EPCAM: variants seen among roughly 807,000 people sequenced by gnomAD.
The protein encoded by EPCAM is adenocarcinoma-associated antigen.
A neutral mutation model predicts 40.0 loss-of-function variants in EPCAM; 39 were observed. The ratio of observed to expected loss-of-function variants is 0.98; its 90% CI spans 0.76 to 1.27. EPCAM has a LOEUF of 1.27. Ranked by LOEUF, EPCAM falls within the 50% of genes most tolerant of loss-of-function variation. EPCAM has a pLI of 0.00. For synonymous variants in EPCAM, 168 were observed against 132.3 expected, an observed-to-expected ratio of 1.27 and a Z score of -1.85; for missense variants, 503 against 381.2, an observed-to-expected ratio of 1.32 and a Z score of -2.66.
chr2:47,372,772 A>G (rs1280031467), intron 1 of EPCAM, among the ~76,000 whole-genome samples: 1 of 151,822 alleles, frequency 6.6e-6, no homozygotes, highest in African/African-American at 2.4e-5. Context: ...ACTCTGTCTC[A>G]AGAAGAAAAA....
At chr2:47,379,626 G>A (rs541430701) in intron 6 of EPCAM, 143 bp from the exon 7 acceptor site, 113 of 982,438 alleles carry the variant, frequency 1.2e-4, no homozygotes, top group Non-Finnish European at 8.1e-5. Flanking sequence ...GTTTTTTAAA[G>A]TTCCAATAAA....
Position 47,373,992 on chromosome 2 carries a change from G to A in EPCAM, c.369G>A (p.Gly123=), listed in dbSNP as rs2103747797. The A allele has an allele frequency of 2.5e-6, 4 of 1,614,094 alleles. No homozygotes were observed. Among genetic ancestry groups the A allele is most frequent in the South Asian group, 1.1e-5 (1 of 91,066 alleles). Reference sequence around the variant, plus strand: ...TGTGCTGGTGTGTGAACACTGCTGGGGTCAGAAGAACAGACAAGGACACTG... The same window carrying A: ...TGTGCTGGTGTGTGAACACTGCTGGAGTCAGAAGAACAGACAAGGACACTG... ...TSMCWCVNTA[G]VRRTDKDTEI... is the part of the protein sequence containing the mutation. The change falls in exon 3 of 9, where the codon GGG becomes GGA. Residue 123 remains glycine (G), a synonymous_variant. Transcript: ENST00000263735.
intron 5 of EPCAM, among the ~76,000 whole-genome samples, chr2:47,377,479 T>C (rs1671457821): frequency 6.6e-6 from 1 of 152,000 alleles, no homozygotes; most frequent in Non-Finnish European, 1.5e-5. Flanking sequence ...TCAAGTGATC[T>C]GTCTGCCTCA....
At chr2:47,376,489 A>G (rs1021027383) in intron 4 of EPCAM, among the ~76,000 whole-genome samples, 1 of 151,916 alleles carries the variant, frequency 6.6e-6, no homozygotes, top group Non-Finnish European at 1.5e-5. Context: ...CGAACTCCCA[A>G]CCTCAGGTGA....
rs779817144 is a variant in EPCAM at position 47,374,010 on chromosome 2, G to C, written c.387G>C (p.Lys129Asn). 1 of 1,614,168 alleles carries C rather than the reference G, an allele frequency of 6.2e-7. No individual in the cohort carries two copies. Among genetic ancestry groups the C allele is most frequent in the Non-Finnish European group, 8.5e-7 (1 of 1,180,038 alleles). ...CTGCTGGGGTCAGAAGAACAGACAA[G>C]GACACTGAAATAACCTGCTCTGAGC... is the stretch of plus-strand genomic sequence containing the variant. The part of the protein sequence containing the change: ...VNTAGVRRTD[K>N]DTEITCSERV... The change falls in exon 3 of 9, where the codon AAG (lysine) becomes AAC (asparagine). Residue 129 changes from lysine (K) to asparagine (N), a missense_variant. Physicochemically the swap from Lys to Asn is moderately conservative, Grantham distance 94. Transcript: ENST00000263735.
At chr2:47,383,086 C>T (rs1006311972) in intron 7 of EPCAM, 16 of 151,750 alleles carry the variant, frequency 1.1e-4, no homozygotes, top group African/African-American at 3.9e-4. Flanking sequence ...GCAGCTGGGT[C>T]ACGAGGTCAG....
intron 7 of EPCAM, among the ~76,000 whole-genome samples, chr2:47,383,833 C>T (rs1671665022): frequency 6.6e-6 from 1 of 151,252 alleles, no homozygotes; most frequent in African/African-American, 2.4e-5. Flanking sequence ...GATAGGGTTT[C>T]ACCATGTTGG....
intron 7 of EPCAM, among the ~76,000 whole-genome samples, chr2:47,380,693 A>G (rs546098494): frequency 1.8e-4 from 27 of 152,376 alleles, no homozygotes; most frequent in African/African-American, 6.5e-4. Context: ...CCAAGTAAAG[A>G]TGAGCAAATT....
chr2:47,378,056 C>T (rs1247915296), intron 5 of EPCAM, among the ~76,000 whole-genome samples: 1 of 151,902 alleles, frequency 6.6e-6, no homozygotes, highest in Non-Finnish European at 1.5e-5. Context: ...CACAGTGAAA[C>T]CCTGTCTCTA....
chr2:47,370,422 G>A (rs1671227644), intron 1 of EPCAM, among the ~76,000 whole-genome samples: 1 of 150,800 alleles, frequency 6.6e-6, no homozygotes. Flanking sequence ...GATTACAGGC[G>A]CGCGCCACCA....
At chr2:47,380,041 GGTGGCTCACCACACCT>G in intron 7 of EPCAM, 72 bp downstream of exon 7, 1 of 1,548,910 alleles carries the variant, frequency 6.5e-7, no homozygotes, top group Non-Finnish European at 8.7e-7. Flanking sequence ...GGCTGGGCGC[GGTGGCTCACCACACCT>G]GTTATCCCTA....
At chr2:47,375,213 C>G (rs1172272503) in intron 3 of EPCAM, 21 bp from the exon 4 acceptor site, 35 of 1,541,254 alleles carry the variant, frequency 2.3e-5, no homozygotes, top group Non-Finnish European at 3.0e-5. Flanking sequence ...AGTCAACTGA[C>G]ATTGTCTTTT....
intron 1 of EPCAM, among the ~76,000 whole-genome samples, chr2:47,370,508 C>T (rs1377175897): frequency 6.6e-6 from 1 of 151,920 alleles, no homozygotes; most frequent in East Asian, 1.9e-4. Context: ...AACTCCTGAG[C>T]TCGTGATCCG....
rs973357252 is a variant in EPCAM, at chr2:47,369,554, A to G, written c.49A>G (p.Thr17Ala). The G allele has an allele frequency of 1.9e-6, 3 of 1,587,914 alleles. No homozygotes were observed. Among genetic ancestry groups the G allele is most frequent in the Non-Finnish European group, 1.7e-6 (2 of 1,170,884 alleles). The change falls in exon 1 of 9, where the codon ACG becomes GCG. Residue 17 changes from threonine to alanine, a missense_variant. By Grantham distance (58) the Thr-to-Ala change is moderately conservative (BLOSUM62 0). Coordinates refer to ENST00000263735, the MANE Select transcript of EPCAM (RefSeq NM_002354.3). ...GTTCGGGCTTCTGCTTGCCGCGGCG[A>G]CGGCGACTTTTGCCGCAGCTCAGGA... Reference protein sequence around the residue: ...LAFGLLLAAATATFAAAQEEC... With the variant: ...LAFGLLLAAAAATFAAAQEEC...
At chr2:47,384,571 G>C (rs978837231) in intron 7 of EPCAM, among the ~76,000 whole-genome samples, 2 of 150,574 alleles carry the variant, frequency 1.3e-5, no homozygotes, top group Admixed American at 1.3e-4. Flanking sequence ...CCACCACCGC[G>C]CCTGGCTAAT....
intron 1 of EPCAM, 57 bp from the exon 2 acceptor site, chr2:47,373,406 G>A (rs1452192152): frequency 9.5e-7 from 1 of 1,050,112 alleles, no homozygotes; most frequent in African/African-American, 1.6e-5. Flanking sequence ...AACTTAGCTG[G>A]GACATGAGAG....
chr2:47,373,185 A>C (rs1485624690), intron 1 of EPCAM, among the ~76,000 whole-genome samples: 1 of 143,026 alleles, frequency 7.0e-6, no homozygotes, highest in African/African-American at 2.6e-5. Context: ...AGCCTGGGCC[A>C]CAGAGTGAGA....
Position 47,386,834 on chromosome 2 carries a change from T to TA in EPCAM, c.*225dup, listed in dbSNP as rs1245794694. 1.2e-5 allele frequency: 5 copies of TA among 406,272 alleles called. No individual in the cohort carries two copies. Among genetic ancestry groups the TA allele is most frequent in the African/African-American group, 1.0e-4 (5 of 49,780 alleles). The allele number at this position is 406,272 out of a possible 1,614,324, so 25.2% of individuals were successfully genotyped here. A position where few individuals can be genotyped will look rare whatever the true frequency, so the allele number is the denominator to read the frequency against. ...GTGTCTTATATATGCAGATCTAATGTAAAATCCAGAACTTGGACTCCATCG... is the reference window on the plus strand; with the variant it reads ...GTGTCTTATATATGCAGATCTAATGTAAAAATCCAGAACTTGGACTCCATCG... On this transcript the variant is annotated 3_prime_UTR_variant, in exon 9 of 9. Transcript: ENST00000263735.
At chr2:47,377,185 C>G (rs996062398) in intron 5 of EPCAM, 108 bp downstream of exon 5, 5 of 803,210 alleles carry the variant, frequency 6.2e-6, no homozygotes, top group African/African-American at 5.0e-5. Context: ...CTTACTGGAG[C>G]AACAGTTTCG....
Sources: gnomAD v4.1 joint callset for allele counts (sites outside exome capture counted in the v4.1 genomes callset) on GRCh38, gnomAD v4.1.1 for gene constraint, MANE v1.5 for transcripts, NCBI Gene and HGNC (gene_info 2026-07-23, HGNC 2026-07-21) for gene names.